ZNF326: variants seen among roughly 807,000 people sequenced by gnomAD.
ZNF326 encodes zinc finger protein 326, also known as DBIRD complex subunit ZNF326.
ZNF326 carries 30 observed loss-of-function variants against 63.1 expected under a neutral mutation model. The observed-to-expected ratio is 0.48, with a 90% confidence interval of 0.36 to 0.64. ZNF326 has a LOEUF of 0.64. ZNF326 is among the 30% of genes least tolerant of loss of function. The pLI is 0.00. For missense variants in ZNF326, 609 were observed against 720.3 expected, an observed-to-expected ratio of 0.85 and a Z score of 1.77; for synonymous variants, 194 against 228.2, an observed-to-expected ratio of 0.85 and a Z score of 1.35.
intron 10 of ZNF326, 104 bp downstream of exon 10, chr1:90,021,026 A>C: frequency 8.3e-7 from 1 of 1,209,732 alleles, no homozygotes; most frequent in Non-Finnish European, 1.2e-6. Context: ...TCAATTTATC[A>C]ATCTCATATG....
In ZNF326 at chr1:90,028,186, C is replaced by CAATAA. The variant is rs1650111408; in HGVS notation, c.*485_*486insAATAA. On this transcript the variant is annotated 3_prime_UTR_variant, in exon 12 of 12. Coordinates refer to ENST00000340281, the MANE Select transcript of ZNF326 (RefSeq NM_182976.4). ...AGATACGCTTAAAGGCTCTTTGTGA[C>CAATAA]CATGTTTCCCTTTGTAGCAATAAAA... The CAATAA allele has an allele frequency of 6.5e-6, 1 of 154,288 alleles. No homozygotes were observed. Among genetic ancestry groups the CAATAA allele is most frequent in the East Asian group, 1.9e-4 (1 of 5,220 alleles). The allele number at this position is 154,288 out of a possible 1,614,324, so 9.6% of individuals were successfully genotyped here.
At chr1:89,999,023 A>C (rs1013308362) in intron 2 of ZNF326, among the ~76,000 whole-genome samples, 1 of 152,226 alleles carries the variant, frequency 6.6e-6, no homozygotes, top group East Asian at 1.9e-4. Flanking sequence ...AAAAAGGCTT[A>C]ACATATAGGG....
At chr1:89,995,793 G>T (rs1333690811) in intron 1 of ZNF326, among the ~76,000 whole-genome samples, 1 of 152,244 alleles carries the variant, frequency 6.6e-6, no homozygotes, top group Non-Finnish European at 1.5e-5. Flanking sequence ...GTGTCTGTAA[G>T]TGATATGTAT....
At chr1:90,014,993 T>C (rs1454530707) in intron 7 of ZNF326, among the ~76,000 whole-genome samples, 3 of 152,200 alleles carry the variant, frequency 2.0e-5, no homozygotes, top group Admixed American at 6.5e-5. Context: ...AATTGTGATA[T>C]AGAGAAAATG....
At position 90,007,823 on chromosome 1, in the gene ZNF326, C is replaced by G. The variant is rs1335283002; in HGVS notation, c.615+73C>G. On this transcript the variant is annotated intron_variant, in intron 5 of 11. Coordinates refer to ENST00000340281, the MANE Select transcript of ZNF326 (RefSeq NM_182976.4). The surrounding 1 kb of genome is among the most constrained non-coding windows in gnomAD (Gnocchi z 4.9). ...TAAACCCTTTCAAGACCATCGTTTTCAACTAGAATAAACACTGTTCATCCC... is the reference window on the plus strand; with the variant it reads ...TAAACCCTTTCAAGACCATCGTTTTGAACTAGAATAAACACTGTTCATCCC... 2 of 1,340,458 alleles carry G rather than the reference C, an allele frequency of 1.5e-6. No homozygotes were observed. The highest frequency in any genetic ancestry group is 2.0e-6 in the Non-Finnish European group (2 of 1,018,146). The allele number at this position is 1,340,458 out of a possible 1,614,324, so 83.0% of individuals were successfully genotyped here.
intron 11 of ZNF326, among the ~76,000 whole-genome samples, chr1:90,026,186 A>G (rs1356599471): frequency 6.6e-6 from 1 of 151,378 alleles, no homozygotes; most frequent in Non-Finnish European, 1.5e-5. Flanking sequence ...GATGATCTCA[A>G]TCTCCTGACC....
chr1:90,007,386 G>T lies in ZNF326; in HGVS notation c.251G>T (p.Gly84Val). The T allele has an allele frequency of 1.2e-6, 2 of 1,611,530 alleles. No homozygotes were observed. Among genetic ancestry groups the T allele is most frequent in the Non-Finnish European group, 8.5e-7 (1 of 1,178,376 alleles). The change falls in exon 5 of 12, where the codon GGT (glycine) becomes GTT (valine). Residue 84 changes from glycine to valine, a missense_variant. Around this residue, in one of 3 missense-constraint regions of ZNF326, gnomAD observed 113 missense variants for 187.4 expected, o/e 0.60. Coordinates refer to ENST00000340281, the MANE Select transcript of ZNF326 (RefSeq NM_182976.4). The surrounding 1 kb of genome is among the most constrained non-coding windows in gnomAD (Gnocchi z 4.9). Reference protein sequence around the residue: ...YESYDSRSSLGGRDLYRSGYG... With the variant: ...YESYDSRSSLVGRDLYRSGYG... ...TCTTACGACTCCAGGTCTTCTCTGG[G>T]TGGGCGAGATCTGTACAGATCTGGC... is the stretch of plus-strand genomic sequence containing the variant.
chr1:90,024,678 G>A (rs997208596), intron 11 of ZNF326, among the ~76,000 whole-genome samples: 4 of 151,882 alleles, frequency 2.6e-5, no homozygotes, highest in African/African-American at 7.3e-5. Context: ...TCAGTGGTGC[G>A]ATAATAGCTC....
chr1:89,996,884 G>C (rs931623571), intron 1 of ZNF326, among the ~76,000 whole-genome samples: 1 of 152,232 alleles, frequency 6.6e-6, no homozygotes, highest in East Asian at 1.9e-4. Context: ...GTATAGCAGA[G>C]GCTAACAAAG....
Position 90,020,775 on chromosome 1 carries a change from T to C in ZNF326, c.1175-17T>C. Reference sequence around the variant, plus strand: ...AACATATGAATTATTTCTTTAATAATTGGATGTCTTTTGTAGGTGTTACTG... The same window carrying C: ...AACATATGAATTATTTCTTTAATAACTGGATGTCTTTTGTAGGTGTTACTG... On this transcript the variant is annotated splice_polypyrimidine_tract_variant and intron_variant, in intron 9 of 11. Coordinates refer to ENST00000340281, the MANE Select transcript of ZNF326 (RefSeq NM_182976.4). The C allele has an allele frequency of 6.3e-7, 1 of 1,589,916 alleles. No individual in the cohort carries two copies. The highest frequency in any genetic ancestry group is 8.5e-7 in the Non-Finnish European group (1 of 1,169,832).
chr1:90,017,533 C>T (rs961045974), intron 8 of ZNF326, 69 bp downstream of exon 8: 314 of 1,346,824 alleles, frequency 2.3e-4, no homozygotes, highest in Non-Finnish European at 3.0e-4. Context: ...ATTTTTCACT[C>T]TCCCCATCTC....
At chr1:90,022,391 C>T (rs1309598372) in intron 11 of ZNF326, 46 bp downstream of exon 11, 4 of 1,320,100 alleles carry the variant, frequency 3.0e-6, no homozygotes, top group Non-Finnish European at 4.3e-6. Flanking sequence ...TGTAGTATTG[C>T]AATAATTAAC....
intron 2 of ZNF326, among the ~76,000 whole-genome samples, chr1:90,002,221 ACAAT>A (rs1163129447): frequency 5.9e-5 from 9 of 152,198 alleles, no homozygotes; most frequent in Non-Finnish European, 1.3e-4. Flanking sequence ...ATTACTATGA[ACAAT>A]CAAACAGAAT....
chr1:90,018,008 A>G (rs145495748), intron 8 of ZNF326, among the ~76,000 whole-genome samples: 279 of 152,236 alleles, frequency 1.8e-3, no homozygotes, highest in Admixed American at 5.6e-3. Flanking sequence ...AAATACAATG[A>G]TCAGGCCGGG....
Position 90,007,956 on chromosome 1 carries a change from T to C in ZNF326, c.615+206T>C, listed in dbSNP as rs1247740446. On this transcript the variant is annotated intron_variant, in intron 5 of 11. Transcript: ENST00000340281. This position sits in a 1 kb window ranked among gnomAD's most constrained non-coding sequence, Gnocchi z 4.9. ...GTGGCAGTTTGAGATGATCATAAAG[T>C]TGTGCCAAATCTCCCTTTATTAAAA... Among the ~76,000 whole-genome samples the C allele has an allele frequency of 2.0e-5, 3 of 152,232 alleles. No individual in the cohort carries two copies. In the East Asian group the frequency reaches 5.8e-4, roughly 29 times the overall value.
rs372960065 is a variant in ZNF326 at position 90,018,123 on chromosome 1, C to T, written c.1075-562C>T. Among the ~76,000 whole-genome samples the T allele has an allele frequency of 7.9e-5, 12 of 152,138 alleles. 1 individual carries two copies. Among genetic ancestry groups the T allele is most frequent in the Admixed American group, 2.0e-4 (3 of 15,274 alleles). On this transcript the variant is annotated intron_variant, in intron 8 of 11. Coordinates refer to ENST00000340281, the MANE Select transcript of ZNF326 (RefSeq NM_182976.4). ...CCTGAGCAACATGGTGAAACCCCGT[C>T]TTTACTAAAAATATAAAAATTAGCC...
intron 2 of ZNF326, among the ~76,000 whole-genome samples, chr1:90,001,878 C>T (rs897720362): frequency 2.0e-5 from 3 of 151,960 alleles, no homozygotes; most frequent in African/African-American, 7.2e-5. Context: ...TTTTTTTTCC[C>T]CCAGTATGTC....
At chr1:90,013,089 T>C (rs1649330235) in intron 6 of ZNF326, 37 bp from the exon 7 acceptor site, 2 of 1,543,570 alleles carry the variant, frequency 1.3e-6, no homozygotes, top group African/African-American at 1.4e-5. Flanking sequence ...AATGGAAAAA[T>C]GAATTTTAGC....
intron 1 of ZNF326, among the ~76,000 whole-genome samples, chr1:89,996,843 C>T (rs1043191413): frequency 2.6e-5 from 4 of 152,084 alleles, no homozygotes; most frequent in Non-Finnish European, 1.5e-5. Context: ...TATTTTCATG[C>T]TGTAGTTTGA....
Sources: gnomAD v4.1 joint callset for allele counts (sites outside exome capture counted in the v4.1 genomes callset) on GRCh38, gnomAD v4.1.1 for gene constraint, gnomAD v4.1.1 regional missense constraint, Gnocchi (gnomAD v3.1) non-coding constraint, MANE v1.5 for transcripts, NCBI Gene and HGNC (gene_info 2026-07-23, HGNC 2026-07-21) for gene names.